Variants in SKIC2 observed in about 807,000 individuals in gnomAD.
SKIC2 encodes the protein SKI2 subunit of superkiller complex.
chr6:31,966,029 T>TGCTCGGC, the SKIC2 span: 1 of 1,515,812 alleles, frequency 6.6e-7, no homozygotes, highest in Non-Finnish European at 9.0e-7. The surrounding 1 kb of genome is among the most constrained non-coding windows in gnomAD (Gnocchi z 5.9). Context: ...CGGGCCAGCA[T>TGCTCGGC]GCTCGGCAGG....
the SKIC2 span, chr6:31,969,708 C>A: frequency 1.3e-6 from 2 of 1,592,280 alleles, no homozygotes; most frequent in Admixed American, 1.7e-5. The surrounding 1 kb of genome is among the most constrained non-coding windows in gnomAD (Gnocchi z 6.1). Flanking sequence ...AGCCTCTACA[C>A]CCAGTGAATG....
chr6:31,968,221 G>A, the SKIC2 span: 1 of 1,446,386 alleles, frequency 6.9e-7, no homozygotes, highest in African/African-American at 1.4e-5. This position sits in a 1 kb window ranked among gnomAD's most constrained non-coding sequence, Gnocchi z 6.1. Flanking sequence ...CCAGCCTAAG[G>A]GAGACTGTGA....
the SKIC2 span, chr6:31,960,664 A>T: frequency 6.3e-7 from 1 of 1,589,350 alleles, no homozygotes; most frequent in Non-Finnish European, 8.6e-7. Context: ...GTCTCTTCCC[A>T]GGGGGGATGG....
chr6:31,960,203 A>C, the SKIC2 span: 2 of 1,610,654 alleles, frequency 1.2e-6, no homozygotes, highest in Non-Finnish European at 1.7e-6. Context: ...CCCAAAAGTT[A>C]CTATTTTTCT....
At chr6:31,968,253 G>T in the SKIC2 span, 2 of 1,452,174 alleles carry the variant, frequency 1.4e-6, no homozygotes, top group Non-Finnish European at 9.6e-7. The surrounding 1 kb of genome is among the most constrained non-coding windows in gnomAD (Gnocchi z 6.1). Context: ...TAGTAAGAGG[G>T]CTTCCACAGC....
At chr6:31,962,363 G>A in the SKIC2 span, 7 of 1,504,284 alleles carry the variant, frequency 4.7e-6, no homozygotes, top group African/African-American at 5.5e-5. This position sits in a 1 kb window ranked among gnomAD's most constrained non-coding sequence, Gnocchi z 5.0. Flanking sequence ...ATGCTTCCAC[G>A]AGGGCTCCAT....
the SKIC2 span, chr6:31,968,683 C>T: frequency 1.9e-6 from 3 of 1,609,520 alleles, 1 homozygote; most frequent in Admixed American, 3.3e-5. The surrounding 1 kb of genome is among the most constrained non-coding windows in gnomAD (Gnocchi z 6.1). Context: ...TGGCTCTCTG[C>T]AGTACCTGAA....
At chr6:31,966,288 TAGAG>T in the SKIC2 span, among the ~76,000 whole-genome samples, 1 of 151,302 alleles carries the variant, frequency 6.6e-6, no homozygotes, top group Non-Finnish European at 1.5e-5. This position sits in a 1 kb window ranked among gnomAD's most constrained non-coding sequence, Gnocchi z 5.9. Context: ...TTATGCTTTG[TAGAG>T]ATGAGGTTTT....
the SKIC2 span, chr6:31,960,170 C>T: frequency 6.2e-7 from 1 of 1,606,166 alleles, no homozygotes; most frequent in Non-Finnish European, 8.5e-7. Context: ...CTGAAGGAAG[C>T]TGGGACAGAG....
the SKIC2 span, chr6:31,960,100 G>T: frequency 6.2e-7 from 1 of 1,612,872 alleles, no homozygotes; most frequent in African/African-American, 1.3e-5. Flanking sequence ...GCCTCTGCAT[G>T]GTGTGGAGCA....
chr6:31,969,733 A>C, the SKIC2 span: 1 of 1,583,666 alleles, frequency 6.3e-7, no homozygotes, highest in South Asian at 1.2e-5. This position sits in a 1 kb window ranked among gnomAD's most constrained non-coding sequence, Gnocchi z 6.1. Context: ...ATGTAAAAAC[A>C]TGATGATAAA....
At chr6:31,969,378 T>C in the SKIC2 span, 3 of 1,614,140 alleles carry the variant, frequency 1.9e-6, no homozygotes, top group South Asian at 3.3e-5. This position sits in a 1 kb window ranked among gnomAD's most constrained non-coding sequence, Gnocchi z 6.1. Context: ...GGGAGCTGAA[T>C]TTTGGGCTGG....
At chr6:31,967,916 G>A in the SKIC2 span, 1 of 1,612,926 alleles carries the variant, frequency 6.2e-7, no homozygotes, top group African/African-American at 1.3e-5. This position sits in a 1 kb window ranked among gnomAD's most constrained non-coding sequence, Gnocchi z 4.9. Flanking sequence ...AGGATGCCTG[G>A]GTCCATGGCA....
At chr6:31,965,754 C>T in the SKIC2 span, 1 of 1,418,284 alleles carries the variant, frequency 7.1e-7, no homozygotes, top group African/African-American at 1.4e-5. This position sits in a 1 kb window ranked among gnomAD's most constrained non-coding sequence, Gnocchi z 5.6. Flanking sequence ...AGAGCCTTTG[C>T]TGATCCTTTC....
the SKIC2 span, among the ~76,000 whole-genome samples, chr6:31,965,471 CAAA>C: frequency 6.6e-6 from 1 of 151,994 alleles, no homozygotes; most frequent in Non-Finnish European, 1.5e-5. This position sits in a 1 kb window ranked among gnomAD's most constrained non-coding sequence, Gnocchi z 5.6. Flanking sequence ...TACAAGCTCA[CAAA>C]AGAAGACATG....
chr6:31,961,707 A>G, the SKIC2 span: 2 of 1,600,342 alleles, frequency 1.2e-6, no homozygotes, highest in Non-Finnish European at 1.7e-6. Context: ...ACGCTCCTCT[A>G]CCTCTTTCTG....
the SKIC2 span, chr6:31,960,820 T>A: frequency 8.8e-7 from 1 of 1,134,906 alleles, no homozygotes; most frequent in Non-Finnish European, 1.3e-6. Flanking sequence ...CTCCCATGTT[T>A]TTGAGAAAAT....
the SKIC2 span, chr6:31,968,609 C>T: frequency 7.7e-3 from 11,839 of 1,546,258 alleles, 131 homozygotes; most frequent in South Asian, 0.019. The surrounding 1 kb of genome is among the most constrained non-coding windows in gnomAD (Gnocchi z 6.1). Flanking sequence ...GTAGACTGAC[C>T]GCCCCCATCT....
the SKIC2 span, chr6:31,963,796 C>T: frequency 8.0e-6 from 12 of 1,496,412 alleles, no homozygotes; most frequent in South Asian, 2.5e-5. The surrounding 1 kb of genome is among the most constrained non-coding windows in gnomAD (Gnocchi z 5.3). Context: ...TTTTTTTCCC[C>T]TTGTCCCCCA....
Sources: gnomAD v4.1 joint callset for allele counts (sites outside exome capture counted in the v4.1 genomes callset) on GRCh38, gnomAD v4.1.1 for gene constraint, Gnocchi (gnomAD v3.1) non-coding constraint, MANE v1.5 for transcripts, NCBI Gene and HGNC (gene_info 2026-07-23, HGNC 2026-07-21) for gene names.